The following DCC variants were observed in gnomAD, a reference collection of about 807,000 sequenced individuals.
The protein encoded by DCC is netrin receptor DCC.
A neutral mutation model predicts 172.5 loss-of-function variants in DCC; 58 were observed. The observed-to-expected ratio is 0.34, with a 90% confidence interval of 0.27 to 0.42. The LOEUF (loss-of-function observed/expected upper bound fraction) is 0.42. Ranked by LOEUF, DCC falls within the 10% of genes least tolerant of loss-of-function variation. The pLI, the probability that DCC is intolerant of heterozygous loss-of-function variation, is 1.00. For synonymous variants in DCC, 709 were observed against 644.5 expected (o/e 1.10, Z -1.52); for missense variants, 1,740 against 1,791.0 (o/e 0.97, Z 0.51).
chr18:53,281,433 C>T (rs1230296387), intron 12 of DCC, among the ~76,000 whole-genome samples: 1 of 152,100 alleles, frequency 6.6e-6, no homozygotes, highest in Non-Finnish European at 1.5e-5. Flanking sequence ...AGTCTTTAAT[C>T]CATAAATATT....
intron 14 of DCC, among the ~76,000 whole-genome samples, chr18:53,328,680 A>G (rs1042120622): frequency 5.9e-5 from 9 of 152,068 alleles, no homozygotes; most frequent in African/African-American, 2.2e-4. Context: ...GATTACAGGC[A>G]TCCACCACCA....
At position 53,197,419 on chromosome 18, in the gene DCC, GTT is replaced by G. The variant is rs11427253; in HGVS notation, c.1574-7777_1574-7776del. Among the ~76,000 whole-genome samples, 853 of 119,502 alleles carry G rather than the reference GTT, an allele frequency of 7.1e-3. 6 individuals carry two copies. The highest frequency in any genetic ancestry group is 0.025 in the African/African-American group (797 of 31,868). The allele number at this position is 119,502 out of a possible 152,430, so 78.4% of individuals were successfully genotyped here. Reference sequence around the variant, plus strand: ...TTTCTTCAAATCCACTTTTATTTTAGTTTTTTTTTTTTTTTTTTTTTAACAGT... The same window carrying G: ...TTTCTTCAAATCCACTTTTATTTTAGTTTTTTTTTTTTTTTTTTTAACAGT... On this transcript the variant is annotated intron_variant, in intron 9 of 28. Transcript: ENST00000442544.
At position 53,200,117 on chromosome 18, in the gene DCC, T is replaced by C. The variant is rs1254954476; in HGVS notation, c.1574-5099T>C. ...AAGAGTGCAGTTGATGCCCAGGGTA[T>C]TGGGATTGGCAGTACCAGTGTAAAC... is the stretch of plus-strand genomic sequence containing the variant. On this transcript the variant is annotated intron_variant, in intron 9 of 28. Coordinates refer to ENST00000442544, the MANE Select transcript of DCC (RefSeq NM_005215.4). Among the ~76,000 whole-genome samples the C allele has an allele frequency of 3.9e-5, 6 of 152,128 alleles. No homozygotes were observed. In the East Asian group the frequency reaches 9.6e-4, roughly 24 times the overall value.
At chr18:53,169,928 G>A (rs2054987190) in intron 8 of DCC, among the ~76,000 whole-genome samples, 1 of 152,078 alleles carries the variant, frequency 6.6e-6, no homozygotes. Flanking sequence ...GCCTATAGTG[G>A]AACCAGAGAA....
At chr18:53,460,725 A>G in intron 24 of DCC, among the ~76,000 whole-genome samples, 1 of 152,070 alleles carries the variant, frequency 6.6e-6, no homozygotes, top group Non-Finnish European at 1.5e-5. Context: ...ATTGTGAATA[A>G]TGCCTCAATA....
intron 5 of DCC, among the ~76,000 whole-genome samples, chr18:52,989,747 T>C (rs927934037): frequency 1.3e-5 from 2 of 152,180 alleles, no homozygotes; most frequent in Non-Finnish European, 2.9e-5. Context: ...TATAATGACA[T>C]AATGGGAATT....
intron 7 of DCC, among the ~76,000 whole-genome samples, chr18:53,108,709 CT>C (rs1373814512): frequency 6.6e-6 from 1 of 151,582 alleles, no homozygotes; most frequent in South Asian, 2.1e-4. Context: ...TGTGTCTAGC[CT>C]TTTTTTCTGG....
chr18:53,120,879 T>A (rs1351505550), intron 7 of DCC, among the ~76,000 whole-genome samples: 1 of 151,890 alleles, frequency 6.6e-6, no homozygotes, highest in African/African-American at 2.4e-5. Flanking sequence ...GATGTTTGTT[T>A]AGGGCAAGTG....
At chr18:53,208,822 C>T (rs1047045518) in intron 11 of DCC, among the ~76,000 whole-genome samples, 5 of 152,136 alleles carry the variant, frequency 3.3e-5, no homozygotes, top group African/African-American at 1.2e-4. Context: ...CTCCACCTCT[C>T]GGGTTTAAGT....
chr18:52,370,850 A>C (rs1217427860), intron 1 of DCC, among the ~76,000 whole-genome samples: 1 of 152,256 alleles, frequency 6.6e-6, no homozygotes, highest in Non-Finnish European at 1.5e-5. Context: ...GATGGAGAAG[A>C]AAGGAATAAG....
chr18:53,343,670 A>G (rs1012986795), intron 15 of DCC, among the ~76,000 whole-genome samples: 1 of 151,984 alleles, frequency 6.6e-6, no homozygotes, highest in Non-Finnish European at 1.5e-5. Flanking sequence ...AGATTGGCTC[A>G]TAAAATGAGC....
intron 5 of DCC, among the ~76,000 whole-genome samples, chr18:52,957,799 A>G (rs2040770832): frequency 6.6e-6 from 1 of 152,136 alleles, no homozygotes; most frequent in Non-Finnish European, 1.5e-5. Context: ...AGAGTGGTAA[A>G]TGATAGAAAA....
In DCC at chr18:52,589,587, T is replaced by C. The variant is rs2033753142; in HGVS notation, c.92-162467T>C. Among the ~76,000 whole-genome samples the C allele has an allele frequency of 2.0e-5, 3 of 152,350 alleles. No individual in the cohort carries two copies. The South Asian group carries it at 6.2e-4, about 32-fold the overall frequency. ...CAGCCTGGTGTTTAGTGATGCCTCT[T>C]CCATGGGTTTTTGTACAATCCTCTT... On this transcript the variant is annotated intron_variant, in intron 1 of 28. Coordinates refer to ENST00000442544, the MANE Select transcript of DCC (RefSeq NM_005215.4).
At chr18:52,529,275 G>GT (rs762614282) in intron 1 of DCC, among the ~76,000 whole-genome samples, 5 of 152,064 alleles carry the variant, frequency 3.3e-5, no homozygotes, top group African/African-American at 7.2e-5. Flanking sequence ...AAGCAGCTGT[G>GT]TTTTTTGGTT....
chr18:53,175,667 G>T lies in DCC; in HGVS notation c.1419-3295G>T, dbSNP rs929692130. 5.3e-5 allele frequency among the ~76,000 whole-genome samples: 8 copies of T among 152,126 alleles called. No individual in the cohort carries two copies. In the South Asian group the frequency reaches 1.5e-3, roughly 28 times the overall value. Reference sequence around the variant, plus strand: ...GGAGAACTACAAACCACTGCTCAATGAAATCAAAGAGGATACAAACAAATG... The same window carrying T: ...GGAGAACTACAAACCACTGCTCAATTAAATCAAAGAGGATACAAACAAATG... On this transcript the variant is annotated intron_variant, in intron 8 of 28. Transcript: ENST00000442544.
rs180929348 is a variant in DCC, at chr18:52,586,760, G to T, written c.92-165294G>T. The stretch of plus-strand genomic sequence containing the variant: ...AGGATGCTGATTCAGAGCATACATG[G>T]CCTTCTGGAGAACTTTGTCCCAGCT... On this transcript the variant is annotated intron_variant, in intron 1 of 28. Transcript: ENST00000442544. Among the ~76,000 whole-genome samples the T allele has an allele frequency of 1.5e-3, 224 of 152,298 alleles. 1 individual carries two copies. Among genetic ancestry groups the T allele is most frequent in the Non-Finnish European group, 2.5e-3 (172 of 68,034 alleles).
chr18:53,410,295 A>C (rs975455522), intron 19 of DCC, among the ~76,000 whole-genome samples, 157 bp from the exon 20 acceptor site: 1 of 152,172 alleles, frequency 6.6e-6, no homozygotes, highest in African/African-American at 2.4e-5. Context: ...TAATCCTTGC[A>C]TTATGAAAAA....
At chr18:52,936,955 G>T (rs541004895) in intron 5 of DCC, among the ~76,000 whole-genome samples, 1 of 152,178 alleles carries the variant, frequency 6.6e-6, no homozygotes, top group South Asian at 2.1e-4. Flanking sequence ...ATATCTTGGT[G>T]CAATCATTTC....
intron 26 of DCC, among the ~76,000 whole-genome samples, chr18:53,488,616 T>G (rs2045928150): frequency 6.6e-6 from 1 of 152,150 alleles, no homozygotes; most frequent in Non-Finnish European, 1.5e-5. Context: ...GTGCAGCATG[T>G]GAAACTCTCT....
Sources: allele counts gnomAD v4.1 joint callset (sites outside exome capture counted in the v4.1 genomes callset), GRCh38; gene constraint gnomAD v4.1.1; transcripts MANE v1.5; gene names NCBI Gene and HGNC (gene_info 2026-07-23, HGNC 2026-07-21).